Variants in LRP2 observed in about 807,000 individuals in gnomAD.
The protein encoded by LRP2 is low-density lipoprotein receptor-related protein 2.
Under a neutral mutation model 531.0 loss-of-function variants are expected in LRP2, and 172 were observed. That is an observed-to-expected ratio of 0.32 (90% CI 0.29 to 0.37). The LOEUF (loss-of-function observed/expected upper bound fraction) is 0.37, where lower values mean the gene tolerates loss of function less well. Ranked by LOEUF, LRP2 falls within the 10% of genes least tolerant of loss-of-function variation. The pLI is 1.00. For synonymous variants in LRP2, 1,992 were observed against 2,027.6 expected (o/e 0.98, Z 0.47); for missense variants, 5,167 against 5,868.3 (o/e 0.88, Z 3.90).
chr2:169,362,450 C>G lies in LRP2; in HGVS notation c.-51G>C, dbSNP rs1052744671. 1 of 1,437,094 alleles carries G rather than the reference C, an allele frequency of 7.0e-7. No individual in the cohort carries two copies. The allele number at this position is 1,437,094 out of a possible 1,614,324, so 89.0% of individuals were successfully genotyped here. Reference sequence around the variant, plus strand: ...GTTCCTTCCCCGGGAGGTGGGCGCGCGTAGCACACCGCACCGGCAGCGCCT... The same window carrying G: ...GTTCCTTCCCCGGGAGGTGGGCGCGGGTAGCACACCGCACCGGCAGCGCCT... On this transcript the variant is annotated 5_prime_UTR_variant, in exon 1 of 79. Coordinates refer to ENST00000649046, the MANE Select transcript of LRP2 (RefSeq NM_004525.3).
chr2:169,300,441 A>G (rs1348079852), intron 4 of LRP2, among the ~76,000 whole-genome samples: 2 of 152,058 alleles, frequency 1.3e-5, no homozygotes, highest in Non-Finnish European at 2.9e-5. Context: ...GTTCTAAAAA[A>G]AGGACAATCA....
In LRP2 at chr2:169,255,949, C is replaced by G. The variant is rs567842429; in HGVS notation, c.2770+157G>C. 3.3e-4 allele frequency among the ~76,000 whole-genome samples: 46 copies of G among 139,446 alleles called. 1 individual carries two copies. In the South Asian group the frequency reaches 0.012, roughly 38 times the overall value. 91.5% of individuals were successfully genotyped at this position (139,446 alleles called of 152,430 possible). ...AAAATGAAATACACCATCAACAAAC[C>G]AAATGTTTTGTCTAAATATATAGCA... On this transcript the variant is annotated intron_variant, in intron 19 of 78. Transcript: ENST00000649046.
intron 15 of LRP2, among the ~76,000 whole-genome samples, chr2:169,271,936 A>T (rs1205661686): frequency 6.6e-6 from 1 of 152,154 alleles, no homozygotes; most frequent in Non-Finnish European, 1.5e-5. Context: ...GGAGTCAAGA[A>T]GATGAAGGAG....
Position 169,209,587 on chromosome 2 carries a change from C to T in LRP2, c.6335G>A (p.Cys2112Tyr), listed in dbSNP as rs1688522461. Residue 2112 changes from cysteine to tyrosine, a missense_variant, in exon 38 of 79, where the codon TGT (cysteine) becomes TAT (tyrosine). Transcript: ENST00000649046. ...AGATGCCACTGAGCTGCTAAAATCA[C>T]ACCAATAAATAAAGCCAGAGGACAC... ...VDVSSGFIYW[C>Y]DFSSSVASDN... The T allele has an allele frequency of 6.2e-7, 1 of 1,614,106 alleles. No homozygotes were observed.
intron 33 of LRP2, among the ~76,000 whole-genome samples, chr2:169,223,619 A>C (rs1689094010): frequency 2.0e-5 from 3 of 152,208 alleles, no homozygotes; most frequent in Non-Finnish European, 4.4e-5. Flanking sequence ...GTTGTAGTTT[A>C]TAAAAGTGCA....
chr2:169,245,824 G>T (rs1465681426), intron 21 of LRP2, among the ~76,000 whole-genome samples: 1 of 152,168 alleles, frequency 6.6e-6, no homozygotes, highest in Non-Finnish European at 1.5e-5. Flanking sequence ...TCTCTCGGTT[G>T]CTAAATGTTA....
At chr2:169,231,382 C>T (rs534468140) in intron 31 of LRP2, among the ~76,000 whole-genome samples, 4 of 151,460 alleles carry the variant, frequency 2.6e-5, no homozygotes, top group African/African-American at 4.8e-5. Flanking sequence ...TGTACACAAA[C>T]GTTGAGAATG....
At chr2:169,148,800 C>T (rs1196652251) in intron 68 of LRP2, among the ~76,000 whole-genome samples, 1 of 152,180 alleles carries the variant, frequency 6.6e-6, no homozygotes, top group Admixed American at 6.5e-5. Flanking sequence ...TCTGAACAGC[C>T]GGCCTGGCTC....
chr2:169,362,215 G>T lies in LRP2; in HGVS notation c.79+106C>A. 5.0e-6 allele frequency: 5 copies of T among 1,009,540 alleles called. No individual in the cohort carries two copies. The South Asian group carries it at 8.1e-5, about 16-fold the overall frequency. 62.5% of individuals were successfully genotyped at this position (1,009,540 alleles called of 1,614,324 possible). A position where few individuals can be genotyped will look rare whatever the true frequency, so the allele number is the denominator to read the frequency against. ...GGAGCAGCTCCCGCGCCGCCGCCCG[G>T]CCCTAGCCCCTGCCCGGACGCTCTC... On this transcript the variant is annotated intron_variant, in intron 1 of 78. Coordinates refer to ENST00000649046, the MANE Select transcript of LRP2 (RefSeq NM_004525.3).
chr2:169,300,501 G>T (rs1382099532), intron 4 of LRP2, among the ~76,000 whole-genome samples: 1 of 152,036 alleles, frequency 6.6e-6, no homozygotes, highest in African/African-American at 2.4e-5. Context: ...AAAGAAACAG[G>T]ACGAGGGTAA....
chr2:169,310,493 T>C (rs1008251321), intron 3 of LRP2, among the ~76,000 whole-genome samples: 1 of 152,214 alleles, frequency 6.6e-6, no homozygotes, highest in African/African-American at 2.4e-5. Context: ...GTTTATATGA[T>C]GGATTACGCT....
At position 169,220,543 on chromosome 2, in the gene LRP2, A is replaced by G; in HGVS notation, c.5559T>C (p.Asp1853=). 1 of 1,612,706 alleles carries G rather than the reference A, an allele frequency of 6.2e-7. No individual in the cohort carries two copies. The highest frequency in any genetic ancestry group is 8.5e-7 in the Non-Finnish European group (1 of 1,179,032). The part of the protein sequence containing the change: ...QSIEVLTLHG[D]IRYRKTLIAN... Reference sequence around the variant, plus strand: ...CAATCAATGTTTTTCTGTATCTGATATCTCCGTGGAGTGTCAAAACCTATA... The same window carrying G: ...CAATCAATGTTTTTCTGTATCTGATGTCTCCGTGGAGTGTCAAAACCTATA... Residue 1853 remains aspartate (D), a synonymous_variant, in exon 34 of 79, where the codon GAT becomes GAC. Coordinates refer to ENST00000649046, the MANE Select transcript of LRP2 (RefSeq NM_004525.3).
intron 59 of LRP2, among the ~76,000 whole-genome samples, chr2:169,170,148 C>T (rs1018601463): frequency 1.3e-5 from 2 of 152,136 alleles, no homozygotes; most frequent in African/African-American, 2.4e-5. Flanking sequence ...ATAAAAATTA[C>T]TTTGGGTTTA....
At chr2:169,302,126 A>C (rs1258093420) in intron 4 of LRP2, among the ~76,000 whole-genome samples, 4 of 152,070 alleles carry the variant, frequency 2.6e-5, no homozygotes, top group African/African-American at 9.7e-5. Flanking sequence ...TGCAGAAATA[A>C]TAAAGTGTCA....
rs72890405 is a variant in LRP2 at position 169,139,138 on chromosome 2, C to T, written c.13388+113G>A. On this transcript the variant is annotated intron_variant, in intron 74 of 78. Transcript: ENST00000649046. ...TCACTACTTTTTGTTTCTGTGGAAT[C>T]GGTGAACTGCGTATTGTGCTTTTTT... 1.1e-5 allele frequency: 17 copies of T among 1,481,946 alleles called. No homozygotes were observed. The East Asian group carries it at 2.3e-4, about 20-fold the overall frequency. The allele number at this position is 1,481,946 out of a possible 1,614,324, so 91.8% of individuals were successfully genotyped here. A position where few individuals can be genotyped will look rare whatever the true frequency, so the allele number is the denominator to read the frequency against.
intron 55 of LRP2, among the ~76,000 whole-genome samples, chr2:169,174,924 AG>A (rs1687133196): frequency 6.6e-6 from 1 of 151,098 alleles, no homozygotes; most frequent in Non-Finnish European, 1.5e-5. Flanking sequence ...TAGCTCTCAA[AG>A]GGGATTCAAT....
At chr2:169,176,696 A>G in intron 53 of LRP2, 108 bp from the exon 54 acceptor site, 2 of 944,570 alleles carry the variant, frequency 2.1e-6, no homozygotes, top group South Asian at 2.8e-5. Flanking sequence ...TTAGTAAAAA[A>G]AAAACTATCC....
rs1433835613 is a variant in LRP2, at chr2:169,201,125, T to C, written c.8452+503A>G. ...TTAGTCAAGTCCAGAATGTGAGATA[T>C]TCTACAGGACAAATCACCTAATCTT... On this transcript the variant is annotated intron_variant, in intron 44 of 78. Coordinates refer to ENST00000649046, the MANE Select transcript of LRP2 (RefSeq NM_004525.3). Among the ~76,000 whole-genome samples the C allele has an allele frequency of 2.6e-5, 4 of 152,238 alleles. No homozygotes were observed. In the South Asian group the frequency reaches 8.3e-4, roughly 31 times the overall value.
At chr2:169,341,579 G>T (rs964527116) in intron 1 of LRP2, among the ~76,000 whole-genome samples, 2 of 152,160 alleles carry the variant, frequency 1.3e-5, no homozygotes, top group East Asian at 1.9e-4. Flanking sequence ...TTTCCAGGAG[G>T]TATATTCTGA....
Sources: gnomAD v4.1 joint callset for allele counts (sites outside exome capture counted in the v4.1 genomes callset) on GRCh38, gnomAD v4.1.1 for gene constraint, MANE v1.5 for transcripts, NCBI Gene and HGNC (gene_info 2026-07-23, HGNC 2026-07-21) for gene names.